SGCD: variants seen among roughly 807,000 people sequenced by gnomAD.
The protein encoded by SGCD is delta-sarcoglycan.
SGCD carries 18 observed loss-of-function variants against 36.6 expected under a neutral mutation model. The ratio of observed to expected loss-of-function variants is 0.49; its 90% CI spans 0.34 to 0.73. The LOEUF (loss-of-function observed/expected upper bound fraction) is 0.73, where lower values mean the gene tolerates loss of function less well. Ranked by LOEUF, SGCD falls within the 30% of genes least tolerant of loss-of-function variation. SGCD has a pLI of 0.01. For synonymous variants in SGCD, 133 were observed against 130.6 expected, an observed-to-expected ratio of 1.02 and a Z score of -0.12; for missense variants, 387 against 346.7, an observed-to-expected ratio of 1.12 and a Z score of -0.92.
chr5:156,724,786 A>G (rs1203808653), intron 7 of SGCD, among the ~76,000 whole-genome samples: 2 of 152,198 alleles, frequency 1.3e-5, no homozygotes, highest in Non-Finnish European at 2.9e-5. Context: ...CAAACTGGCA[A>G]GACTACACAC....
intron 1 of SGCD, among the ~76,000 whole-genome samples, chr5:155,933,177 G>T (rs775163263): frequency 6.6e-5 from 10 of 152,056 alleles, no homozygotes; most frequent in Non-Finnish European, 1.2e-4. Flanking sequence ...TAGCCGTAGG[G>T]GTCTTCTTGG....
rs58947494 is a variant in SGCD at position 156,691,206 on chromosome 5, C to CA, written c.575+43690dup. Among the ~76,000 whole-genome samples the CA allele has an allele frequency of 7.0e-4, 43 of 61,852 alleles. 1 individual carries two copies. The highest frequency in any genetic ancestry group is 1.7e-3 in the South Asian group (2 of 1,166). The allele number at this position is 61,852 out of a possible 152,430, so 40.6% of individuals were successfully genotyped here. On this transcript the variant is annotated intron_variant, in intron 7 of 8. Coordinates refer to ENST00000337851, the MANE Select transcript of SGCD (RefSeq NM_000337.6). ...TGGGCAACAGAGCGAGACTCTGTCT[C>CA]AAAAAAAAAAAAAAAAAAAAGAGAG...
chr5:156,478,519 A>G (rs1755289065), intron 3 of SGCD, among the ~76,000 whole-genome samples: 1 of 152,180 alleles, frequency 6.6e-6, no homozygotes, highest in Admixed American at 6.5e-5. Context: ...GTGTTTAAGC[A>G]GTTTGGGGGA....
intron 3 of SGCD, among the ~76,000 whole-genome samples, chr5:156,482,124 A>G (rs999019327): frequency 6.6e-6 from 1 of 152,218 alleles, no homozygotes; most frequent in Non-Finnish European, 1.5e-5. Context: ...CTGAAATATC[A>G]GCATTTGAGC....
At chr5:156,096,401 A>C (rs1378587102) in intron 1 of SGCD, among the ~76,000 whole-genome samples, 1 of 152,206 alleles carries the variant, frequency 6.6e-6, no homozygotes, top group Non-Finnish European at 1.5e-5. Flanking sequence ...TCCATGACTT[A>C]AGCCATTTCA....
chr5:156,513,329 C>T (rs1757023679), intron 4 of SGCD, among the ~76,000 whole-genome samples: 2 of 152,154 alleles, frequency 1.3e-5, no homozygotes, highest in Admixed American at 1.3e-4. Context: ...ACATGATGCT[C>T]ATGAACCTCA....
At chr5:155,750,901 C>T in the SGCD span, among the ~76,000 whole-genome samples, 4 of 152,160 alleles carry the variant, frequency 2.6e-5, no homozygotes, top group African/African-American at 9.7e-5. Context: ...CAAATGGCCT[C>T]TGCAAGCATT....
intron 3 of SGCD, among the ~76,000 whole-genome samples, chr5:156,353,609 C>T (rs922368665): frequency 2.0e-5 from 3 of 152,106 alleles, no homozygotes; most frequent in Non-Finnish European, 2.9e-5. Flanking sequence ...GAGTAGCATC[C>T]GCTTCAATGC....
At chr5:156,740,297 A>G (rs1405654188) in intron 7 of SGCD, among the ~76,000 whole-genome samples, 10 of 152,222 alleles carry the variant, frequency 6.6e-5, no homozygotes, top group Non-Finnish European at 1.3e-4. Flanking sequence ...CAGCACAGCT[A>G]AAATATGGGA....
At chr5:156,381,005 A>G (rs1414458711) in intron 3 of SGCD, among the ~76,000 whole-genome samples, 6 of 152,188 alleles carry the variant, frequency 3.9e-5, no homozygotes, top group Non-Finnish European at 2.9e-5. Flanking sequence ...AAATGATGAA[A>G]TTCTCCAAGA....
intron 6 of SGCD, among the ~76,000 whole-genome samples, chr5:156,622,709 G>A (rs72801167): frequency 0.072 from 10,975 of 152,116 alleles, 432 homozygotes; most frequent in South Asian, 0.1. Flanking sequence ...AAAGGGGGGT[G>A]TGAGCTAATG....
At chr5:155,742,446 G>T in the SGCD span, among the ~76,000 whole-genome samples, 3 of 152,112 alleles carry the variant, frequency 2.0e-5, no homozygotes, top group Non-Finnish European at 4.4e-5. Flanking sequence ...TACTTACCCA[G>T]GGCAGACTGA....
intron 1 of SGCD, among the ~76,000 whole-genome samples, chr5:155,952,515 G>T (rs1486901252): frequency 2.0e-5 from 3 of 151,968 alleles, no homozygotes; most frequent in Non-Finnish European, 4.4e-5. Flanking sequence ...GTCTGCCTTG[G>T]TCTTGCTGGT....
chr5:155,740,089 T>C, the SGCD span, among the ~76,000 whole-genome samples: 1 of 152,176 alleles, frequency 6.6e-6, no homozygotes, highest in Non-Finnish European at 1.5e-5. Flanking sequence ...TTTTATTGAA[T>C]GACATATGTT....
chr5:156,607,954 C>A (rs1486376072), intron 6 of SGCD, among the ~76,000 whole-genome samples: 2 of 151,968 alleles, frequency 1.3e-5, no homozygotes, highest in African/African-American at 4.8e-5. Flanking sequence ...GTTAGTCTTG[C>A]TAGTGGTCTA....
At chr5:155,869,103 G>A (rs1755581078), upstream of SGCD, among the ~76,000 whole-genome samples, 1 of 152,198 alleles carries the variant, frequency 6.6e-6, no homozygotes, top group Non-Finnish European at 1.5e-5. Flanking sequence ...ATTAGGTTAT[G>A]TGACTATATT....
intron 3 of SGCD, among the ~76,000 whole-genome samples, chr5:156,443,991 A>G (rs1333965833): frequency 6.6e-6 from 1 of 151,328 alleles, no homozygotes; most frequent in Non-Finnish European, 1.5e-5. Context: ...CTGCATCCTA[A>G]TGACCCACCT....
chr5:156,616,184 A>G (rs1442438710), intron 6 of SGCD, among the ~76,000 whole-genome samples: 5 of 152,212 alleles, frequency 3.3e-5, no homozygotes, highest in East Asian at 3.9e-4. Flanking sequence ...GGTGAGCAGA[A>G]AAAGTGGTTA....
At chr5:156,238,443 T>C (rs535573881) in intron 3 of SGCD, among the ~76,000 whole-genome samples, 1 of 152,262 alleles carries the variant, frequency 6.6e-6, no homozygotes, top group East Asian at 1.9e-4. Context: ...GCAACTGCTT[T>C]TGCCTCATGG....
Sources: gnomAD v4.1 joint callset for allele counts (sites outside exome capture counted in the v4.1 genomes callset) on GRCh38, gnomAD v4.1.1 for gene constraint, MANE v1.5 for transcripts, NCBI Gene and HGNC (gene_info 2026-07-23, HGNC 2026-07-21) for gene names.